LRP1B: variants seen among roughly 807,000 people sequenced by gnomAD.
LRP1B encodes the protein low-density lipoprotein receptor-related protein 1B.
LRP1B carries 217 observed loss-of-function variants against 556.6 expected under a neutral mutation model. The ratio of observed to expected loss-of-function variants is 0.39; its 90% CI spans 0.35 to 0.44. The LOEUF is 0.44. LRP1B is among the 20% of genes least tolerant of loss of function. The probability of loss-of-function intolerance (pLI) is 1.00; values close to 1 mark genes in which losing one functional copy is unlikely to be tolerated. For missense variants in LRP1B, 5,053 were observed against 5,620.8 expected (o/e 0.90, Z 3.23); for synonymous variants, 2,047 against 1,865.8 (o/e 1.10, Z -2.50).
chr2:140,589,541 G>A (rs556301415), intron 43 of LRP1B, among the ~76,000 whole-genome samples: 24 of 152,098 alleles, frequency 1.6e-4, no homozygotes, highest in African/African-American at 4.1e-4. Context: ...ACTAGAAACC[G>A]CCCTGATGAC....
intron 16 of LRP1B, among the ~76,000 whole-genome samples, chr2:140,992,168 T>A (rs1181644274): frequency 6.6e-6 from 1 of 151,536 alleles, no homozygotes; most frequent in Admixed American, 6.6e-5. Context: ...AATTAATTAT[T>A]TAGGAAGTAG....
intron 1 of LRP1B, among the ~76,000 whole-genome samples, chr2:142,018,029 T>C (rs772920453): frequency 2.0e-5 from 3 of 151,734 alleles, no homozygotes; most frequent in Non-Finnish European, 4.4e-5. Flanking sequence ...AGCAGGCTCA[T>C]GCATTTCAAT....
chr2:141,048,880 G>A, intron 11 of LRP1B, 106 bp downstream of exon 11: 1 of 849,098 alleles, frequency 1.2e-6, no homozygotes, highest in South Asian at 1.5e-5. Flanking sequence ...GAACCAACCA[G>A]AAGAACTTGA....
chr2:140,278,865 A>G (rs917410103), intron 84 of LRP1B, among the ~76,000 whole-genome samples: 1 of 151,862 alleles, frequency 6.6e-6, no homozygotes, highest in Admixed American at 6.6e-5. Context: ...TTCAGGGGCA[A>G]AGAGTTGCTC....
At position 141,358,870 on chromosome 2, in the gene LRP1B, A is replaced by G. The variant is rs192134535; in HGVS notation, c.344-104229T>C. Among the ~76,000 whole-genome samples, 721 of 152,312 alleles carry G rather than the reference A, an allele frequency of 4.7e-3. 8 individuals carry two copies. Among genetic ancestry groups the G allele is most frequent in the African/African-American group, 0.016 (651 of 41,582 alleles). On this transcript the variant is annotated intron_variant, in intron 3 of 90. Transcript: ENST00000389484. ...ACATTGTATTCTACAAATATATAATATAGTATGATTTCAAGTATTTGTAAA... is the reference window on the plus strand; with the variant it reads ...ACATTGTATTCTACAAATATATAATGTAGTATGATTTCAAGTATTTGTAAA...
At chr2:141,022,704 A>G (rs1056427417) in intron 11 of LRP1B, among the ~76,000 whole-genome samples, 2 of 152,006 alleles carry the variant, frequency 1.3e-5, no homozygotes, top group Admixed American at 6.6e-5. Flanking sequence ...AGGCCAAACA[A>G]ACATCAGTGA....
chr2:142,021,819 G>A (rs1002534473), intron 1 of LRP1B, among the ~76,000 whole-genome samples: 2 of 151,968 alleles, frequency 1.3e-5, no homozygotes, highest in Admixed American at 6.6e-5. Flanking sequence ...CTTTGTGGAA[G>A]ATAGAACAAA....
intron 7 of LRP1B, among the ~76,000 whole-genome samples, chr2:141,123,247 A>G (rs141158399): frequency 7.1e-6 from 1 of 140,616 alleles, no homozygotes; most frequent in African/African-American, 2.5e-5. Context: ...ATAATAAAAA[A>G]AAATAAATAA....
intron 3 of LRP1B, among the ~76,000 whole-genome samples, chr2:141,321,572 A>C (rs1360320317): frequency 6.6e-6 from 1 of 152,056 alleles, no homozygotes; most frequent in Non-Finnish European, 1.5e-5. Flanking sequence ...GCCTTTGGAA[A>C]TACAATGCCC....
chr2:140,385,594 T>C (rs1057261778), intron 67 of LRP1B, among the ~76,000 whole-genome samples: 1 of 152,188 alleles, frequency 6.6e-6, no homozygotes, highest in Non-Finnish European at 1.5e-5. Flanking sequence ...TTCAGCTCAT[T>C]GTGTGAACTT....
intron 1 of LRP1B, among the ~76,000 whole-genome samples, chr2:142,061,905 T>G (rs1415863147): frequency 6.6e-6 from 1 of 151,936 alleles, no homozygotes; most frequent in Admixed American, 6.6e-5. Context: ...ATGAAATTCC[T>G]CCCTATCTTG....
In LRP1B at chr2:140,247,132, A is replaced by G; in HGVS notation, c.13278T>C (p.Cys4426=). The change falls in exon 87 of 91, where the codon TGT becomes TGC. Residue 4426 remains cysteine (C), a synonymous_variant. Transcript: ENST00000389484. ...TGCTGCTCTTTGGGGCTGGCCTTTCACACTGTGTGCCTGACCAGTTGGTGG... is the reference window on the plus strand; with the variant it reads ...TGCTGCTCTTTGGGGCTGGCCTTTCGCACTGTGTGCCTGACCAGTTGGTGG... ...LCSTNWSGTQ[C]ERPAPKSSKS... The G allele has an allele frequency of 6.2e-7, 1 of 1,609,384 alleles. No individual in the cohort carries two copies. Among genetic ancestry groups the G allele is most frequent in the South Asian group, 1.1e-5 (1 of 91,010 alleles).
intron 41 of LRP1B, among the ~76,000 whole-genome samples, chr2:140,605,495 C>T (rs930128983): frequency 6.6e-6 from 1 of 152,102 alleles, no homozygotes; most frequent in African/African-American, 2.4e-5. Context: ...TAAAAATCTT[C>T]TAAAAGTTCT....
chr2:141,713,120 G>C (rs959726422), intron 2 of LRP1B, among the ~76,000 whole-genome samples: 1 of 143,086 alleles, frequency 7.0e-6, no homozygotes, highest in Non-Finnish European at 1.5e-5. Context: ...GTCTCACTCT[G>C]TCAGTGGTCT....
intron 2 of LRP1B, among the ~76,000 whole-genome samples, chr2:141,736,727 C>A (rs1693479801): frequency 6.6e-6 from 1 of 152,134 alleles, no homozygotes; most frequent in African/African-American, 2.4e-5. Context: ...CATCTTTGAA[C>A]TTTGAACTTC....
intron 5 of LRP1B, among the ~76,000 whole-genome samples, chr2:141,238,440 C>T (rs1683738550): frequency 6.6e-6 from 1 of 151,956 alleles, no homozygotes; most frequent in African/African-American, 2.4e-5. Context: ...TAATATGGCT[C>T]CTAAAAGGGA....
intron 1 of LRP1B, among the ~76,000 whole-genome samples, chr2:142,040,672 A>T: frequency 6.6e-6 from 1 of 151,120 alleles, no homozygotes; most frequent in African/African-American, 2.4e-5. Flanking sequence ...AAAGCAAGAC[A>T]AAAAAAGTCC....
Position 141,623,789 on chromosome 2 carries a change from G to A in LRP1B, c.206-143256C>T, listed in dbSNP as rs189909774. On this transcript the variant is annotated intron_variant, in intron 2 of 90. Transcript: ENST00000389484. ...CCCAGCATTTTGGGAAGCCGAGATG[G>A]GTGGATCATGAGGTCAGGAGTTTGA... 1.5e-4 allele frequency among the ~76,000 whole-genome samples: 23 copies of A among 151,940 alleles called. No homozygotes were observed. The East Asian group carries it at 4.5e-3, about 30-fold the overall frequency.
intron 3 of LRP1B, among the ~76,000 whole-genome samples, chr2:141,343,221 A>G (rs1267151104): frequency 2.0e-5 from 3 of 152,158 alleles, no homozygotes; most frequent in African/African-American, 7.2e-5. Flanking sequence ...TCAGCATTGT[A>G]GTTTTCATCA....
Sources: gnomAD v4.1 joint callset for allele counts (sites outside exome capture counted in the v4.1 genomes callset) on GRCh38, gnomAD v4.1.1 for gene constraint, MANE v1.5 for transcripts, NCBI Gene and HGNC (gene_info 2026-07-23, HGNC 2026-07-21) for gene names.